The following ADCY8 variants were observed in gnomAD, a reference collection of about 807,000 sequenced individuals.
ADCY8 encodes adenylate cyclase 8.
In ADCY8, 51 loss-of-function variants were observed where a neutral mutation model predicts 119.7. That is an observed-to-expected ratio of 0.43 (90% CI 0.34 to 0.54). The LOEUF is 0.54. Among genes scored for constraint, ADCY8 ranks in the 20% least tolerant of loss-of-function variants. ADCY8 has a pLI of 0.03. For synonymous variants in ADCY8, 665 were observed against 651.0 expected (o/e 1.02, Z -0.33); for missense variants, 1,383 against 1,598.8 (o/e 0.87, Z 2.30).
intron 10 of ADCY8, 22 bp downstream of exon 10, chr8:130,849,580 T>TC (rs773538101): frequency 2.2e-5 from 36 of 1,610,696 alleles, no homozygotes; most frequent in Non-Finnish European, 2.6e-5. Flanking sequence ...CACCAGAGGG[T>TC]TGGTGGATGT....
intron 15 of ADCY8, among the ~76,000 whole-genome samples, chr8:130,790,848 C>T (rs908936702): frequency 3.9e-5 from 6 of 152,282 alleles, no homozygotes; most frequent in African/African-American, 1.2e-4. Context: ...TCTCCATGGG[C>T]CAGCCCTTCA....
intron 8 of ADCY8, among the ~76,000 whole-genome samples, chr8:130,869,988 C>CCTT (rs1818289639): frequency 8.4e-6 from 1 of 119,398 alleles, no homozygotes; most frequent in Non-Finnish European, 1.7e-5. Context: ...TCCTCCTCCT[C>CCTT]CTCCTCTCCT....
intron 9 of ADCY8, among the ~76,000 whole-genome samples, chr8:130,857,021 G>A (rs989509858): frequency 6.8e-6 from 1 of 147,460 alleles, no homozygotes; most frequent in Non-Finnish European, 1.5e-5. Context: ...CTTATAAAGT[G>A]TCTGCCTTTG....
chr8:130,856,412 G>A (rs1389826085), intron 9 of ADCY8, among the ~76,000 whole-genome samples: 1 of 152,086 alleles, frequency 6.6e-6, no homozygotes, highest in African/African-American at 2.4e-5. Flanking sequence ...TAGGAGTCCA[G>A]AGGAAGCAAC....
chr8:130,961,872 C>T (rs7009351), intron 2 of ADCY8, among the ~76,000 whole-genome samples: 119,068 of 152,048 alleles, frequency 0.78, 50,042 homozygotes, highest in East Asian at 0.95. Flanking sequence ...GAACATTGGG[C>T]AAATAGTTTC....
intron 12 of ADCY8, among the ~76,000 whole-genome samples, 181 bp from the exon 13 acceptor site, chr8:130,821,601 C>T (rs185615226): frequency 5.9e-4 from 90 of 152,186 alleles, no homozygotes; most frequent in African/African-American, 2.1e-3. Context: ...CAATTGACCC[C>T]CAAGGGTATG....
intron 2 of ADCY8, among the ~76,000 whole-genome samples, chr8:130,975,008 C>T (rs1171540836): frequency 6.6e-6 from 1 of 152,104 alleles, no homozygotes; most frequent in African/African-American, 2.4e-5. Flanking sequence ...GACCTATGCC[C>T]TTTATAATAA....
intron 9 of ADCY8, among the ~76,000 whole-genome samples, chr8:130,861,532 G>T (rs1817929254): frequency 6.6e-6 from 1 of 152,110 alleles, no homozygotes; most frequent in Non-Finnish European, 1.5e-5. Context: ...TATTGACATT[G>T]TATTCTGTGA....
At chr8:130,855,041 C>T (rs2130342335) in intron 9 of ADCY8, among the ~76,000 whole-genome samples, 1 of 151,340 alleles carries the variant, frequency 6.6e-6, no homozygotes, top group African/African-American at 2.4e-5. Context: ...GTTTACCCTT[C>T]TTGGAGAGGA....
intron 1 of ADCY8, among the ~76,000 whole-genome samples, chr8:131,025,542 T>C (rs1457144055): frequency 6.6e-6 from 1 of 152,198 alleles, no homozygotes; most frequent in Non-Finnish European, 1.5e-5. Context: ...TCCGGTGATA[T>C]ACAAAAGGAC....
rs2130825393 is a variant in ADCY8, at chr8:131,040,251, C to G, written c.83G>C (p.Arg28Thr). 6.4e-7 allele frequency: 1 copy of G among 1,551,050 alleles called. No individual in the cohort carries two copies. The highest frequency in any genetic ancestry group is 8.7e-7 in the Non-Finnish European group (1 of 1,155,116). ...CAGCCGCTGCGGCCGGGAGGCGCTC[C>G]TGCCGTCGCCGGCCGGGGGCGTCGG... The part of the protein sequence containing the change: ...IHPTPPAGDG[R>T]SASRPQRLLW... The change falls in exon 1 of 18, where the codon AGG (arginine) becomes ACG (threonine). Residue 28 changes from arginine (R) to threonine (T), a missense_variant. Coordinates refer to ENST00000286355, the MANE Select transcript of ADCY8 (RefSeq NM_001115.3).
chr8:130,894,948 A>C (rs1819332138), intron 7 of ADCY8, among the ~76,000 whole-genome samples: 1 of 152,142 alleles, frequency 6.6e-6, no homozygotes, highest in Non-Finnish European at 1.5e-5. Flanking sequence ...CAAACAATAA[A>C]AGTTATACTT....
intron 9 of ADCY8, among the ~76,000 whole-genome samples, chr8:130,852,732 T>C (rs375130567): frequency 6.6e-6 from 1 of 152,044 alleles, no homozygotes; most frequent in South Asian, 2.1e-4. Context: ...CTCCTGCCTT[T>C]TTTTTTTCCT....
chr8:130,863,780 C>T (rs1325066313), intron 9 of ADCY8, among the ~76,000 whole-genome samples: 4 of 152,084 alleles, frequency 2.6e-5, no homozygotes, highest in Non-Finnish European at 4.4e-5. Flanking sequence ...TGTGACATTG[C>T]TATTGTTCAT....
chr8:130,786,347 A>G (rs571759650), intron 15 of ADCY8, among the ~76,000 whole-genome samples: 64 of 152,278 alleles, frequency 4.2e-4, no homozygotes, highest in African/African-American at 1.5e-3. Context: ...TTTTAATGCT[A>G]AGAGAGGGAA....
rs138674377 is a variant in ADCY8 at position 130,954,894 on chromosome 8, C to T, written c.1111-2896G>A. On this transcript the variant is annotated intron_variant, in intron 2 of 17. Coordinates refer to ENST00000286355, the MANE Select transcript of ADCY8 (RefSeq NM_001115.3). ...GGGATATTCCTATGATTGGAGCTAA[C>T]AGTATGCAACAAAGCCTCCGAGGAG... Among the ~76,000 whole-genome samples, 1,095 of 152,270 alleles carry T rather than the reference C, an allele frequency of 7.2e-3. 18 individuals are homozygous for T. The highest frequency in any genetic ancestry group is 0.024 in the African/African-American group (1,015 of 41,562).
At chr8:130,958,621 G>A (rs1821504960) in intron 2 of ADCY8, among the ~76,000 whole-genome samples, 3 of 152,074 alleles carry the variant, frequency 2.0e-5, no homozygotes, top group Admixed American at 2.0e-4. Context: ...GCTTGTGCAG[G>A]GGAACTCATG....
chr8:130,783,731 C>A lies in ADCY8; in HGVS notation c.3228G>T (p.Glu1076Asp). The change falls in exon 17 of 18, where the codon GAG (glutamate) becomes GAT (aspartate). Residue 1076 changes from glutamate to aspartate, a missense_variant. Glu to Asp is a conservative substitution (Grantham distance 45). Coordinates refer to ENST00000286355, the MANE Select transcript of ADCY8 (RefSeq NM_001115.3). ...AATTGTTGAATGAATGCTTGTTGAT[C>A]TCCTGTATGCTTTCTGTCAGGGCGA... ...FSLALTESIQ[E>D]INKHSFNNFE... 1 of 1,613,478 alleles carries A rather than the reference C, an allele frequency of 6.2e-7. No homozygotes were observed. Among genetic ancestry groups the A allele is most frequent in the Non-Finnish European group, 8.5e-7 (1 of 1,179,716 alleles).
At chr8:131,005,860 T>G (rs1239450669) in intron 1 of ADCY8, among the ~76,000 whole-genome samples, 1 of 152,208 alleles carries the variant, frequency 6.6e-6, no homozygotes, top group East Asian at 1.9e-4. Flanking sequence ...TCAAGCCTTG[T>G]GGCTCCCTTA....
Sources: allele counts gnomAD v4.1 joint callset (sites outside exome capture counted in the v4.1 genomes callset), GRCh38; gene constraint gnomAD v4.1.1; transcripts MANE v1.5; gene names NCBI Gene and HGNC (gene_info 2026-07-23, HGNC 2026-07-21).